The following NAP1L1 variants were observed in gnomAD, a reference collection of about 807,000 sequenced individuals.
NAP1L1 encodes the protein nucleosome assembly protein 1-like 1.
A neutral mutation model predicts 58.9 loss-of-function variants in NAP1L1; 9 were observed. That is an observed-to-expected ratio of 0.15 (90% CI 0.09 to 0.27). NAP1L1 has a LOEUF of 0.27. Ranked by LOEUF, NAP1L1 falls within the 10% of genes least tolerant of loss-of-function variation. The pLI is 1.00. For missense variants in NAP1L1, 302 were observed against 458.8 expected (o/e 0.66, Z 3.12); for synonymous variants, 130 against 138.3 (o/e 0.94, Z 0.42).
At chr12:76,074,653 C>A (rs923727566) in intron 1 of NAP1L1, among the ~76,000 whole-genome samples, 1 of 152,166 alleles carries the variant, frequency 6.6e-6, no homozygotes, top group African/African-American at 2.4e-5. Flanking sequence ...CATCTTAAAT[C>A]CATTTATCCA....
intron 2 of NAP1L1, among the ~76,000 whole-genome samples, chr12:76,071,501 G>A (rs188281117): frequency 3.9e-5 from 6 of 152,238 alleles, no homozygotes; most frequent in Admixed American, 6.5e-5. Flanking sequence ...GGCTAACACT[G>A]AAATCAAAGA....
At chr12:76,056,267 A>G (rs1949080403) in intron 6 of NAP1L1, 106 bp from the exon 7 acceptor site, 2 of 1,157,272 alleles carry the variant, frequency 1.7e-6, no homozygotes, top group Non-Finnish European at 2.4e-6. Flanking sequence ...ATTACCTTCA[A>G]AGTTCTAGTC....
intron 1 of NAP1L1, among the ~76,000 whole-genome samples, chr12:76,079,565 A>G (rs1002028227): frequency 6.6e-6 from 1 of 152,252 alleles, no homozygotes; most frequent in African/African-American, 2.4e-5. Flanking sequence ...TCAGGAAAAA[A>G]TAGACTTCAA....
chr12:76,079,385 A>G (rs1255500457), intron 1 of NAP1L1, among the ~76,000 whole-genome samples: 1 of 152,150 alleles, frequency 6.6e-6, no homozygotes, highest in African/African-American at 2.4e-5. Context: ...CTGTAGTCCT[A>G]GCTACTCGGG....
chr12:76,052,363 C>T (rs977164960), intron 11 of NAP1L1, among the ~76,000 whole-genome samples: 1 of 152,156 alleles, frequency 6.6e-6, no homozygotes, highest in African/African-American at 2.4e-5. Flanking sequence ...GTTTTTCTCA[C>T]CTGAAATTCA....
At chr12:76,079,115 C>A (rs1950304197) in intron 1 of NAP1L1, among the ~76,000 whole-genome samples, 1 of 152,090 alleles carries the variant, frequency 6.6e-6, no homozygotes, top group African/African-American at 2.4e-5. Flanking sequence ...TTCAAAGGCA[C>A]AAAAAGACTG....
rs1284568493 is a variant in NAP1L1, at chr12:76,044,847, T to C, written c.*3582A>G. On this transcript the variant is annotated 3_prime_UTR_variant, in exon 15 of 15. Coordinates refer to ENST00000618691, the MANE Select transcript of NAP1L1 (RefSeq NM_004537.7). ...TCATATACCAACAAGGATGTTTCCA[T>C]TTCTGTAAAGTCATGTAAGTGATCC... 2.0e-5 allele frequency: 3 copies of C among 152,218 alleles called. No individual in the cohort carries two copies. The highest frequency in any genetic ancestry group is 1.3e-4 in the Admixed American group (2 of 15,290). 9.4% of individuals were successfully genotyped at this position (152,218 alleles called of 1,614,324 possible).
intron 2 of NAP1L1, among the ~76,000 whole-genome samples, chr12:76,072,614 A>T (rs1337136556): frequency 6.6e-6 from 1 of 152,170 alleles, no homozygotes; most frequent in African/African-American, 2.4e-5. Context: ...AGAAAAAAAT[A>T]ATAATGTGAA....
In NAP1L1 at chr12:76,049,574, G is replaced by A. The variant is rs954138261; in HGVS notation, c.1089+182C>T. ...AAATAAAAAAATGTTGCTGAGTTTT[G>A]CAATTTATTTATTGAAACCTTATAC... On this transcript the variant is annotated intron_variant, in intron 13 of 14. Transcript: ENST00000618691. 3.9e-6 allele frequency: 6 copies of A among 1,528,200 alleles called. No individual in the cohort carries two copies. In the African/African-American group the frequency reaches 8.3e-5, roughly 21 times the overall value. The allele number at this position is 1,528,200 out of a possible 1,614,324, so 94.7% of individuals were successfully genotyped here. A position where few individuals can be genotyped will look rare whatever the true frequency, so the allele number is the denominator to read the frequency against.
intron 11 of NAP1L1, among the ~76,000 whole-genome samples, chr12:76,052,154 T>A (rs147987907): frequency 1.3e-5 from 2 of 151,924 alleles, no homozygotes; most frequent in African/African-American, 2.4e-5. Flanking sequence ...ATCTAATAAA[T>A]AGAAAAATCC....
intron 11 of NAP1L1, among the ~76,000 whole-genome samples, chr12:76,051,195 T>C (rs1021305752): frequency 6.6e-6 from 1 of 152,152 alleles, no homozygotes; most frequent in Non-Finnish European, 1.5e-5. Context: ...CCAGTATGCA[T>C]ACTAAGATAA....
At chr12:76,081,398 T>C (rs893451378) in intron 1 of NAP1L1, among the ~76,000 whole-genome samples, 9 of 152,182 alleles carry the variant, frequency 5.9e-5, no homozygotes, top group African/African-American at 2.2e-4. Context: ...TTTATCCCTG[T>C]TATGCTCTTC....
chr12:76,047,468 T>A lies in NAP1L1; in HGVS notation c.*961A>T, dbSNP rs1261838120. 1 of 150,858 alleles carries A rather than the reference T, an allele frequency of 6.6e-6. No homozygotes were observed. Among genetic ancestry groups the A allele is most frequent in the Non-Finnish European group, 1.5e-5 (1 of 67,552 alleles). 9.3% of individuals were successfully genotyped at this position (150,858 alleles called of 1,614,324 possible). On this transcript the variant is annotated 3_prime_UTR_variant, in exon 15 of 15. Coordinates refer to ENST00000618691, the MANE Select transcript of NAP1L1 (RefSeq NM_004537.7). Reference sequence around the variant, plus strand: ...TACACTTGCTTATTAGTATAGCATCTCGTTCCAAAGCTGGTACCTTTTCTT... The same window carrying A: ...TACACTTGCTTATTAGTATAGCATCACGTTCCAAAGCTGGTACCTTTTCTT...
chr12:76,049,677 AAAGG>A (rs1244110231), intron 13 of NAP1L1, 75 bp downstream of exon 13: 2 of 1,576,298 alleles, frequency 1.3e-6, no homozygotes, highest in East Asian at 4.5e-5. Context: ...TGATTATAGC[AAAGG>A]AATACATAAG....
Position 76,047,651 on chromosome 12 carries a change from A to G in NAP1L1, c.*778T>C, listed in dbSNP as rs1289290489. ...AAACAAAAACAAGCAAACAAACAAC[A>G]AATAACTTGAAAATAGGCTTGTCAA... On this transcript the variant is annotated 3_prime_UTR_variant, in exon 15 of 15. Transcript: ENST00000618691. 6.6e-6 allele frequency: 1 copy of G among 152,026 alleles called. No individual in the cohort carries two copies. Among genetic ancestry groups the G allele is most frequent in the Non-Finnish European group, 1.5e-5 (1 of 67,906 alleles). The allele number at this position is 152,026 out of a possible 1,614,324, so 9.4% of individuals were successfully genotyped here. A position where few individuals can be genotyped will look rare whatever the true frequency, so the allele number is the denominator to read the frequency against.
At chr12:76,054,400 T>A (rs1948981806) in intron 8 of NAP1L1, among the ~76,000 whole-genome samples, 1 of 152,190 alleles carries the variant, frequency 6.6e-6, no homozygotes, top group Admixed American at 6.5e-5. Flanking sequence ...AAAATTACGT[T>A]AAAATAATAA....
In NAP1L1 at chr12:76,060,225, T is replaced by C; in HGVS notation, c.261A>G (p.Lys87=). The C allele has an allele frequency of 1.2e-6, 2 of 1,613,932 alleles. No homozygotes were observed. The highest frequency in any genetic ancestry group is 1.7e-6 in the Non-Finnish European group (2 of 1,179,870). Residue 87 remains lysine (K), a synonymous_variant, in exon 5 of 15, where the codon AAA becomes AAG. Coordinates refer to ENST00000618691, the MANE Select transcript of NAP1L1 (RefSeq NM_004537.7). ...RVNALKNLQV[K]CAQIEAKFYE... is the part of the protein sequence containing the mutation. ...AGAATTTGGCTTCTATCTGTGCACA[T>C]TTAACTTGCAGGTTTTTGAGAGCAT...
At chr12:76,051,466 G>A (rs1361965476) in intron 11 of NAP1L1, among the ~76,000 whole-genome samples, 1 of 152,160 alleles carries the variant, frequency 6.6e-6, no homozygotes, top group East Asian at 1.9e-4. Context: ...CCAAACAGCT[G>A]TACAGTTTTA....
At chr12:76,053,730 C>CTT (rs549334219) in intron 9 of NAP1L1, 40 bp downstream of exon 9, 1,171 of 1,590,662 alleles carry the variant, frequency 7.4e-4, no homozygotes, top group South Asian at 1.1e-3. Flanking sequence ...ATAACAAAAA[C>CTT]AGAAAAAACA....
Sources: gnomAD v4.1 joint callset for allele counts (sites outside exome capture counted in the v4.1 genomes callset) on GRCh38, gnomAD v4.1.1 for gene constraint, MANE v1.5 for transcripts, NCBI Gene and HGNC (gene_info 2026-07-23, HGNC 2026-07-21) for gene names.